The following DIAPH3 variants were observed in gnomAD, a reference collection of about 807,000 sequenced individuals.
The protein encoded by DIAPH3 is protein diaphanous homolog 3.
DIAPH3 carries 117 observed loss-of-function variants against 144.3 expected under a neutral mutation model. The observed-to-expected ratio is 0.81, with a 90% CI of 0.70 to 0.95. The LOEUF is 0.95. Among genes scored for constraint, DIAPH3 ranks in the 40% least tolerant of loss-of-function variants. The pLI is 0.00. For synonymous variants in DIAPH3, 519 were observed against 488.9 expected (o/e 1.06, Z -0.81); for missense variants, 1,421 against 1,412.7 (o/e 1.01, Z -0.09).
At chr13:60,150,559 G>A (rs1257060790) in intron 1 of DIAPH3, among the ~76,000 whole-genome samples, 1 of 152,116 alleles carries the variant, frequency 6.6e-6, no homozygotes, top group African/African-American at 2.4e-5. Flanking sequence ...ACTGTGTGAG[G>A]GATAAGTGAT....
chr13:59,997,646 T>C (rs1318504663), intron 9 of DIAPH3, among the ~76,000 whole-genome samples: 2 of 152,080 alleles, frequency 1.3e-5, no homozygotes, highest in Non-Finnish European at 2.9e-5. Flanking sequence ...CAAGGTTCAC[T>C]AACAGGTACT....
At chr13:60,066,703 CT>C (rs2056981753) in intron 4 of DIAPH3, among the ~76,000 whole-genome samples, 1 of 152,178 alleles carries the variant, frequency 6.6e-6, no homozygotes. Flanking sequence ...AATCCCTGCC[CT>C]CAATGAAATT....
intron 17 of DIAPH3, among the ~76,000 whole-genome samples, chr13:59,927,699 T>C (rs1049493464): frequency 1.3e-5 from 2 of 152,208 alleles, no homozygotes; most frequent in African/African-American, 2.4e-5. Flanking sequence ...ATTTTGTAGG[T>C]ATCATCCAAT....
chr13:59,839,524 A>C (rs1166169700), intron 22 of DIAPH3, 76 bp from the exon 23 acceptor site: 3 of 1,385,524 alleles, frequency 2.2e-6, no homozygotes, highest in Admixed American at 2.1e-5. Context: ...TAGAAACAAA[A>C]CATTCATGAA....
At chr13:59,933,634 C>T (rs889357374) in intron 17 of DIAPH3, among the ~76,000 whole-genome samples, 6 of 152,086 alleles carry the variant, frequency 3.9e-5, no homozygotes, top group Non-Finnish European at 8.8e-5. Flanking sequence ...ATCTTACTTC[C>T]TAGAGATGCT....
chr13:59,840,961 T>TCGC, intron 22 of DIAPH3, among the ~76,000 whole-genome samples: 1 of 151,592 alleles, frequency 6.6e-6, no homozygotes, highest in East Asian at 1.9e-4. Context: ...TTTAAATTAT[T>TCGC]CCAATACCTT....
intron 4 of DIAPH3, among the ~76,000 whole-genome samples, chr13:60,059,772 T>A (rs1431756038): frequency 1.3e-5 from 2 of 152,100 alleles, no homozygotes; most frequent in South Asian, 4.1e-4. Flanking sequence ...AGGATGAAGA[T>A]GTGTTCAGCA....
intron 27 of DIAPH3, among the ~76,000 whole-genome samples, chr13:59,689,780 T>C (rs2033407287): frequency 8.0e-6 from 1 of 124,368 alleles, no homozygotes; most frequent in South Asian, 3.3e-4. Context: ...GAAAAAAAAC[T>C]GTATTAAGCA....
In DIAPH3 at chr13:59,852,721, A is replaced by G. The variant is rs569568537; in HGVS notation, c.2737+8686T>C. 1.2e-4 allele frequency among the ~76,000 whole-genome samples: 18 copies of G among 152,334 alleles called. 1 individual carries two copies. The South Asian group carries it at 2.5e-3, about 21-fold the overall frequency. Reference sequence around the variant, plus strand: ...AAAGTACCAACATTTTTAGAAAACTACTAACATAAGCCTACAAAATTTGCA... The same window carrying G: ...AAAGTACCAACATTTTTAGAAAACTGCTAACATAAGCCTACAAAATTTGCA... On this transcript the variant is annotated intron_variant, in intron 22 of 27. Coordinates refer to ENST00000400324, the MANE Select transcript of DIAPH3 (RefSeq NM_001042517.2).
At chr13:59,817,581 A>T (rs1434227445) in intron 24 of DIAPH3, among the ~76,000 whole-genome samples, 1 of 151,946 alleles carries the variant, frequency 6.6e-6, no homozygotes, top group Non-Finnish European at 1.5e-5. Context: ...TCTTATAAAC[A>T]GCATAAAACC....
chr13:59,988,535 G>A (rs2051585456), intron 12 of DIAPH3, among the ~76,000 whole-genome samples: 1 of 151,722 alleles, frequency 6.6e-6, no homozygotes, highest in Non-Finnish European at 1.5e-5. Context: ...AAAACTCACT[G>A]GGGAGGCAAT....
chr13:59,878,747 C>T (rs2044796308), intron 21 of DIAPH3, among the ~76,000 whole-genome samples: 1 of 152,024 alleles, frequency 6.6e-6, no homozygotes, highest in Admixed American at 6.6e-5. Context: ...ATCCGAGTTG[C>T]ATATATTTCC....
intron 4 of DIAPH3, among the ~76,000 whole-genome samples, chr13:60,081,707 C>G (rs2057565123): frequency 6.6e-6 from 1 of 151,890 alleles, no homozygotes. Context: ...AGTAGCAATA[C>G]GTGTATGGGA....
At chr13:59,944,984 C>T (rs1445327600) in intron 17 of DIAPH3, among the ~76,000 whole-genome samples, 1 of 152,128 alleles carries the variant, frequency 6.6e-6, no homozygotes, top group African/African-American at 2.4e-5. Flanking sequence ...CATAACTATG[C>T]CCTAAGCTAG....
At chr13:60,119,773 A>G (rs914642245) in intron 2 of DIAPH3, among the ~76,000 whole-genome samples, 6 of 140,924 alleles carry the variant, frequency 4.3e-5, no homozygotes, top group African/African-American at 1.3e-4. Context: ...AAAAAAAAAG[A>G]AATGATAAAT....
intron 23 of DIAPH3, among the ~76,000 whole-genome samples, chr13:59,835,320 T>C (rs991273086): frequency 6.6e-6 from 1 of 151,582 alleles, no homozygotes; most frequent in Non-Finnish European, 1.5e-5. Flanking sequence ...AGACAGATAA[T>C]AAACAAATGA....
intron 22 of DIAPH3, among the ~76,000 whole-genome samples, chr13:59,853,571 T>C (rs1247623201): frequency 2.0e-5 from 3 of 152,152 alleles, no homozygotes; most frequent in Admixed American, 6.5e-5. Flanking sequence ...TCTGCCATGA[T>C]TGTAAGTTTT....
intron 4 of DIAPH3, among the ~76,000 whole-genome samples, chr13:60,050,015 C>T (rs142514108): frequency 6.6e-6 from 1 of 152,212 alleles, no homozygotes; most frequent in African/African-American, 2.4e-5. Context: ...CACAGTGAGA[C>T]CCCATCTCTA....
intron 24 of DIAPH3, among the ~76,000 whole-genome samples, chr13:59,818,305 A>T (rs1189106343): frequency 6.6e-6 from 1 of 152,016 alleles, no homozygotes; most frequent in Non-Finnish European, 1.5e-5. Flanking sequence ...ATCTACAAAT[A>T]GTAGATAATT....
Sources: allele counts gnomAD v4.1 joint callset (sites outside exome capture counted in the v4.1 genomes callset), GRCh38; gene constraint gnomAD v4.1.1; transcripts MANE v1.5; gene names NCBI Gene and HGNC (gene_info 2026-07-23, HGNC 2026-07-21).